The following PCDH15 variants were observed in gnomAD, a reference collection of about 807,000 sequenced individuals.
PCDH15 encodes protocadherin related 15.
In PCDH15, 129 loss-of-function variants were observed where a neutral mutation model predicts 178.5. The ratio of observed to expected loss-of-function variants is 0.72; its 90% CI spans 0.63 to 0.84. The LOEUF (loss-of-function observed/expected upper bound fraction) is 0.84, where lower values mean the gene tolerates loss of function less well. Ranked by LOEUF, PCDH15 falls within the 40% of genes least tolerant of loss-of-function variation. The pLI, the probability that PCDH15 is intolerant of heterozygous loss-of-function variation, is 0.00. For missense variants in PCDH15, 2,230 were observed against 2,099.9 expected, an observed-to-expected ratio of 1.06 and a Z score of -1.21; for synonymous variants, 800 against 732.0, an observed-to-expected ratio of 1.09 and a Z score of -1.50.
chr10:54,966,463 T>G (rs1262680447), intron 2 of PCDH15, among the ~76,000 whole-genome samples: 1 of 152,130 alleles, frequency 6.6e-6, no homozygotes, highest in African/African-American at 2.4e-5. Flanking sequence ...CTAGGTTACA[T>G]GGTATAGCCT....
intron 2 of PCDH15, among the ~76,000 whole-genome samples, chr10:55,062,502 T>C (rs1481660302): frequency 6.6e-6 from 1 of 152,228 alleles, no homozygotes; most frequent in Non-Finnish European, 1.5e-5. Flanking sequence ...TTACATGCTG[T>C]ATGATTCCAC....
chr10:54,207,326 C>T (rs1308056531), intron 10 of PCDH15, among the ~76,000 whole-genome samples: 1 of 151,700 alleles, frequency 6.6e-6, no homozygotes, highest in Non-Finnish European at 1.5e-5. Flanking sequence ...TAAAAACACA[C>T]GGTGTTCTTT....
chr10:55,303,256 T>TG (rs1324021722), intron 1 of PCDH15, among the ~76,000 whole-genome samples: 1 of 152,162 alleles, frequency 6.6e-6, no homozygotes, highest in Non-Finnish European at 1.5e-5. Context: ...CGCAGCAAAG[T>TG]GGGCATTCTT....
chr10:54,462,511 T>TTC (rs59164054), intron 3 of PCDH15, among the ~76,000 whole-genome samples: 3 of 108,592 alleles, frequency 2.8e-5, no homozygotes, highest in Non-Finnish European at 5.3e-5. Context: ...CTTTTTCTTT[T>TTC]CTTTTTTTTT....
chr10:55,352,650 A>T (rs1844967684), intron 2 of PCDH15, among the ~76,000 whole-genome samples: 1 of 152,136 alleles, frequency 6.6e-6, no homozygotes, highest in Admixed American at 6.6e-5. Flanking sequence ...CTGAGCGAAA[A>T]TCAAAAAAGT....
intron 2 of PCDH15, among the ~76,000 whole-genome samples, chr10:55,420,046 G>A (rs74875656): frequency 0.01 from 1,563 of 151,692 alleles, 26 homozygotes; most frequent in African/African-American, 0.035. Context: ...AAAATCCGCT[G>A]GGTAGATGAG....
intron 2 of PCDH15, among the ~76,000 whole-genome samples, chr10:55,340,648 T>C (rs551445167): frequency 6.6e-6 from 1 of 152,134 alleles, no homozygotes; most frequent in South Asian, 2.1e-4. Flanking sequence ...ATTAACTTAA[T>C]AAATAACTAA....
chr10:54,232,519 C>A (rs1271764440), intron 9 of PCDH15, among the ~76,000 whole-genome samples: 1 of 152,148 alleles, frequency 6.6e-6, no homozygotes, highest in African/African-American at 2.4e-5. Context: ...ATCCAGAATT[C>A]TTCTTTGTGG....
At chr10:54,394,842 T>C (rs1028788310) in intron 3 of PCDH15, among the ~76,000 whole-genome samples, 1 of 152,132 alleles carries the variant, frequency 6.6e-6, no homozygotes, top group African/African-American at 2.4e-5. Context: ...GGGTATTCTC[T>C]TTCCCAGGAA....
chr10:55,064,202 G>T (rs1277023822), intron 2 of PCDH15, among the ~76,000 whole-genome samples: 2 of 152,044 alleles, frequency 1.3e-5, no homozygotes, highest in African/African-American at 4.8e-5. Context: ...TCTTCTTAGG[G>T]CCTGACATAC....
chr10:53,879,890 G>A (rs778406299), intron 26 of PCDH15, among the ~76,000 whole-genome samples: 13 of 152,300 alleles, frequency 8.5e-5, no homozygotes, highest in Admixed American at 2.0e-4. Flanking sequence ...GGCCTCATGT[G>A]TTCCGCCTGC....
chr10:55,332,616 G>A (rs547172004), intron 2 of PCDH15, among the ~76,000 whole-genome samples: 22 of 152,226 alleles, frequency 1.4e-4, no homozygotes, highest in Admixed American at 1.2e-3. Flanking sequence ...ATCTCATCTT[G>A]AACTGTAGCT....
chr10:54,038,481 T>C (rs543559848), intron 18 of PCDH15, among the ~76,000 whole-genome samples: 42 of 152,016 alleles, frequency 2.8e-4, no homozygotes, highest in Admixed American at 1.3e-3. Context: ...ACTACAGCCT[T>C]GGCCAACCCA....
intron 3 of PCDH15, among the ~76,000 whole-genome samples, chr10:54,472,806 GCAGA>G (rs2078011225): frequency 6.6e-6 from 1 of 152,132 alleles, no homozygotes; most frequent in Non-Finnish European, 1.5e-5. Flanking sequence ...AGGTGTTTAT[GCAGA>G]CAGAGTTGCA....
At chr10:54,944,609 A>G (rs1838147408) in intron 2 of PCDH15, among the ~76,000 whole-genome samples, 2 of 151,964 alleles carry the variant, frequency 1.3e-5, no homozygotes, top group African/African-American at 4.8e-5. Context: ...AAGTCCACAT[A>G]TCAACATATC....
chr10:54,204,409 G>A (rs1187623138), intron 10 of PCDH15, among the ~76,000 whole-genome samples: 1 of 151,860 alleles, frequency 6.6e-6, no homozygotes, highest in African/African-American at 2.4e-5. Flanking sequence ...GTGGAAGTTT[G>A]TGGTTGTGTC....
At position 55,226,737 on chromosome 10, in the gene PCDH15, T is replaced by C. The variant is rs1841056523; in HGVS notation, c.-155-60086A>G. Among the ~76,000 whole-genome samples, 3 of 151,982 alleles carry C rather than the reference T, an allele frequency of 2.0e-5. No individual in the cohort carries two copies. In the South Asian group the frequency reaches 6.2e-4, roughly 32 times the overall value. On this transcript the variant is annotated intron_variant, in intron 1 of 5. Coordinates refer to the PCDH15 transcript ENST00000458638. ...GAAAATAAGAAAGACCTTTTAGTAA[T>C]AAGATAGTACAAAATAACTACAATA... is the stretch of plus-strand genomic sequence containing the variant.
intron 1 of PCDH15, among the ~76,000 whole-genome samples, chr10:54,677,307 G>C (rs1311223313): frequency 1.3e-5 from 2 of 152,164 alleles, no homozygotes; most frequent in Non-Finnish European, 2.9e-5. Flanking sequence ...TTGAGCCCAG[G>C]AGTTCAAGGT....
chr10:55,507,150 C>G (rs1840775826), intron 2 of PCDH15, among the ~76,000 whole-genome samples: 1 of 151,450 alleles, frequency 6.6e-6, no homozygotes. Flanking sequence ...AAATCTCACT[C>G]AACAGGTTAT....
Sources: gnomAD v4.1 joint callset for allele counts (sites outside exome capture counted in the v4.1 genomes callset) on GRCh38, gnomAD v4.1.1 for gene constraint, MANE v1.5 for transcripts, NCBI Gene and HGNC (gene_info 2026-07-23, HGNC 2026-07-21) for gene names.